Variants in SUGT1 observed in about 807,000 individuals in gnomAD.
The protein encoded by SUGT1 is protein SGT1 homolog.
A neutral mutation model predicts 56.1 loss-of-function variants in SUGT1; 15 were observed. That is an observed-to-expected ratio of 0.27 (90% CI 0.18 to 0.41). The LOEUF is 0.41. Ranked by LOEUF, SUGT1 falls within the 10% of genes least tolerant of loss-of-function variation. SUGT1 has a pLI of 1.00. For synonymous variants in SUGT1, 123 were observed against 128.6 expected (o/e 0.96, Z 0.30); for missense variants, 347 against 382.2 (o/e 0.91, Z 0.77).
chr13:52,683,619 G>A (rs75477262), intron 12 of SUGT1, among the ~76,000 whole-genome samples: 2,348 of 152,214 alleles, frequency 0.015, 61 homozygotes, highest in African/African-American at 0.053. Flanking sequence ...AGGAAGCATT[G>A]CATCCTCTTC....
chr13:52,655,352 A>G (rs1403992981), intron 2 of SUGT1, among the ~76,000 whole-genome samples: 1 of 152,192 alleles, frequency 6.6e-6, no homozygotes. Flanking sequence ...AAAGGCATTA[A>G]ATCCCAGCAC....
chr13:52,662,844 A>G, intron 6 of SUGT1, 142 bp downstream of exon 6: 1 of 904,396 alleles, frequency 1.1e-6, no homozygotes, highest in Non-Finnish European at 1.7e-6. Context: ...TTCCAAAGAT[A>G]CACTGGTTTT....
At position 52,653,092 on chromosome 13, in the gene SUGT1, G is replaced by A; in HGVS notation, c.85G>A (p.Ala29Thr). Reference sequence around the variant, plus strand: ...TGCCCTAATCGACGAGGACCCCCAGGCGGCGTTAGAGGTGAGAGAGCCCAT... The same window carrying A: ...TGCCCTAATCGACGAGGACCCCCAGACGGCGTTAGAGGTGAGAGAGCCCAT... The part of the protein sequence containing the change: ...SDALIDEDPQ[A>T]ALEELTKALE... Residue 29 changes from alanine to threonine, a missense_variant, in exon 2 of 13, where the codon GCG becomes ACG. Coordinates refer to ENST00000310528, the MANE Select transcript of SUGT1 (RefSeq NM_006704.5). 1 of 1,614,118 alleles carries A rather than the reference G, an allele frequency of 6.2e-7. No homozygotes were observed.
chr13:52,687,744 G>A lies in SUGT1; in HGVS notation c.911G>A (p.Gly304Asp). 3.8e-6 allele frequency: 6 copies of A among 1,593,614 alleles called. No individual in the cohort carries two copies. The highest frequency in any genetic ancestry group is 5.1e-6 in the Non-Finnish European group (6 of 1,172,670). Residue 304 changes from glycine to aspartate, a missense_variant, in exon 13 of 13, where the codon GGT becomes GAT. By Grantham distance (94) the Gly-to-Asp change is moderately conservative. Coordinates refer to ENST00000310528, the MANE Select transcript of SUGT1 (RefSeq NM_006704.5). ...TATTTTTCATTGCAGATGGAGTCGG[G>A]TGGTACAGTTTTGAGTACCAACTGG... ...RAMNKSFMES[G>D]GTVLSTNWSD...
At chr13:52,678,458 T>C (rs1003731525) in intron 11 of SUGT1, among the ~76,000 whole-genome samples, 2 of 152,288 alleles carry the variant, frequency 1.3e-5, no homozygotes, top group Middle Eastern at 3.4e-3. Context: ...TTTAGATTAG[T>C]ACTAATGTGT....
chr13:52,679,899 G>A, intron 11 of SUGT1, 75 bp from the exon 12 acceptor site: 1 of 1,415,132 alleles, frequency 7.1e-7, no homozygotes, highest in South Asian at 1.5e-5. Flanking sequence ...CCATATACAT[G>A]GTCACAAAGT....
intron 5 of SUGT1, among the ~76,000 whole-genome samples, chr13:52,660,337 T>A (rs1441065821): frequency 6.6e-6 from 1 of 152,172 alleles, no homozygotes; most frequent in Non-Finnish European, 1.5e-5. Flanking sequence ...TTTTTGATAA[T>A]CATGAATGGT....
rs140906639 is a variant in SUGT1 at position 52,674,109 on chromosome 13, C to T, written c.628-2121C>T. ...TCGCTCTGTTGCCCAGGCTGAAGTG[C>T]AGTGGCACGATCTTGGCTCACTGCA... is the stretch of plus-strand genomic sequence containing the variant. On this transcript the variant is annotated intron_variant, in intron 10 of 12. Coordinates refer to ENST00000310528, the MANE Select transcript of SUGT1 (RefSeq NM_006704.5). Among the ~76,000 whole-genome samples the T allele has an allele frequency of 6.0e-3, 776 of 128,300 alleles. 4 individuals are homozygous for T. The highest frequency in any genetic ancestry group is 0.022 in the African/African-American group (748 of 33,272). 84.2% of individuals were successfully genotyped at this position (128,300 alleles called of 152,430 possible). A position where few individuals can be genotyped will look rare whatever the true frequency, so the allele number is the denominator to read the frequency against.
intron 10 of SUGT1, among the ~76,000 whole-genome samples, chr13:52,668,256 A>C (rs1395400689): frequency 2.0e-5 from 3 of 152,306 alleles, no homozygotes; most frequent in Middle Eastern, 3.4e-3. Context: ...CTGGGATTAC[A>C]GGTGTGAGCC....
chr13:52,680,318 G>C (rs1017884417), intron 12 of SUGT1, among the ~76,000 whole-genome samples, 163 bp downstream of exon 12: 4 of 152,142 alleles, frequency 2.6e-5, no homozygotes, highest in Non-Finnish European at 5.9e-5. Flanking sequence ...AATTTTTGAG[G>C]AAGTTGAAAA....
At chr13:52,663,927 C>A in intron 7 of SUGT1, 108 bp from the exon 8 acceptor site, 1 of 1,011,144 alleles carries the variant, frequency 9.9e-7, no homozygotes, top group Non-Finnish European at 1.5e-6. Flanking sequence ...ATCAAAATAA[C>A]TGCAGTGTTG....
At chr13:52,686,242 TA>T (rs1963585374) in intron 12 of SUGT1, among the ~76,000 whole-genome samples, 1 of 152,104 alleles carries the variant, frequency 6.6e-6, no homozygotes, top group African/African-American at 2.4e-5. Flanking sequence ...GGTAGTTTAT[TA>T]TACAGACTTG....
At chr13:52,667,301 A>T (rs1400697289) in intron 10 of SUGT1, among the ~76,000 whole-genome samples, 2 of 152,194 alleles carry the variant, frequency 1.3e-5, no homozygotes, top group African/African-American at 4.8e-5. Flanking sequence ...TACCTCATGC[A>T]GTTAAAAATA....
At chr13:52,661,749 A>C (rs917945691) in intron 5 of SUGT1, among the ~76,000 whole-genome samples, 3 of 152,218 alleles carry the variant, frequency 2.0e-5, no homozygotes, top group Non-Finnish European at 4.4e-5. Flanking sequence ...TTGATATAAT[A>C]GATTTTGATA....
rs1963859772 is a variant in SUGT1 at position 52,694,256 on chromosome 13, G to A, written c.*6421G>A. On this transcript the variant is annotated 3_prime_UTR_variant, in exon 13 of 13. Transcript: ENST00000310528. ...GATAACATCAGATGATCCTAGGCTG[G>A]AAGGTGGAAATCCTAGAGAAGATTT... The A allele has an allele frequency of 6.6e-6, 1 of 152,204 alleles. No homozygotes were observed. The highest frequency in any genetic ancestry group is 6.5e-5 in the Admixed American group (1 of 15,276). The allele number at this position is 152,204 out of a possible 1,614,324, so 9.4% of individuals were successfully genotyped here. A position where few individuals can be genotyped will look rare whatever the true frequency, so the allele number is the denominator to read the frequency against.
intron 10 of SUGT1, among the ~76,000 whole-genome samples, chr13:52,672,268 T>G (rs1962975314): frequency 6.6e-6 from 1 of 152,180 alleles, no homozygotes; most frequent in Non-Finnish European, 1.5e-5. Flanking sequence ...TCACTACACC[T>G]GACACATACT....
At position 52,665,713 on chromosome 13, in the gene SUGT1, G is replaced by T. The variant is rs1280555013; in HGVS notation, c.499G>T (p.Val167Leu). 2 of 1,601,428 alleles carry T rather than the reference G, an allele frequency of 1.2e-6. No individual in the cohort carries two copies. The highest frequency in any genetic ancestry group is 1.8e-5 in the Admixed American group (1 of 55,564). ...GAATGTTCAGAAGAATGATGTAAAT[G>T]TGGAATTTTCAGAAAAAGAGGTCAG... ...IKNVQKNDVN[V>L]EFSEKELSAL... is the part of the protein sequence containing the mutation. Residue 167 changes from valine to leucine, a missense_variant, in exon 9 of 13, where the codon GTG (valine) becomes TTG (leucine). By Grantham distance (32) the Val-to-Leu change is conservative. Transcript: ENST00000310528.
chr13:52,680,521 T>C (rs1566194908), intron 12 of SUGT1, among the ~76,000 whole-genome samples: 1 of 152,192 alleles, frequency 6.6e-6, no homozygotes, highest in Admixed American at 6.5e-5. Flanking sequence ...TTCAGAATAG[T>C]GTTTGCAAGT....
chr13:52,658,241 T>C, intron 3 of SUGT1, 158 bp from the exon 4 acceptor site: 1 of 1,518,750 alleles, frequency 6.6e-7, no homozygotes, highest in Non-Finnish European at 8.8e-7. Flanking sequence ...AAGAGTAATA[T>C]TTATTTGAAT....
Sources: gnomAD v4.1 joint callset for allele counts (sites outside exome capture counted in the v4.1 genomes callset) on GRCh38, gnomAD v4.1.1 for gene constraint, MANE v1.5 for transcripts, NCBI Gene and HGNC (gene_info 2026-07-23, HGNC 2026-07-21) for gene names.